MAP3K5: variants seen among roughly 807,000 people sequenced by gnomAD.
The protein encoded by MAP3K5 is ASK-1.
A neutral mutation model predicts 158.7 loss-of-function variants in MAP3K5; 56 were observed. The observed-to-expected ratio is 0.35, with a 90% CI of 0.28 to 0.44. The LOEUF is 0.44. MAP3K5 is among the 20% of genes least tolerant of loss of function. The probability of loss-of-function intolerance (pLI) is 1.00; values close to 1 mark genes in which losing one functional copy is unlikely to be tolerated. For synonymous variants in MAP3K5, 579 were observed against 601.7 expected, an observed-to-expected ratio of 0.96 and a Z score of 0.55; for missense variants, 1,294 against 1,674.8, an observed-to-expected ratio of 0.77 and a Z score of 3.97.
At chr6:136,671,592 A>C (rs989496783) in intron 7 of MAP3K5, among the ~76,000 whole-genome samples, 1 of 152,176 alleles carries the variant, frequency 6.6e-6, no homozygotes, top group Admixed American at 6.5e-5. Flanking sequence ...GAAATTTGCC[A>C]ATATCAAAAC....
intron 7 of MAP3K5, among the ~76,000 whole-genome samples, chr6:136,690,487 T>C (rs527438821): frequency 6.6e-6 from 1 of 152,288 alleles, no homozygotes; most frequent in East Asian, 1.9e-4. Flanking sequence ...AGGACTCACA[T>C]TTCTCTAACA....
At chr6:136,657,973 T>C (rs1778821340) in intron 9 of MAP3K5, among the ~76,000 whole-genome samples, 1 of 152,212 alleles carries the variant, frequency 6.6e-6, no homozygotes, top group Admixed American at 6.5e-5. Context: ...AATTAAACTA[T>C]ATTGATTTAA....
At chr6:136,668,653 T>C (rs184400869) in intron 8 of MAP3K5, among the ~76,000 whole-genome samples, 77 of 152,298 alleles carry the variant, frequency 5.1e-4, no homozygotes, top group African/African-American at 1.7e-3. Context: ...TTGAAATTTG[T>C]TCACTAAGAT....
In MAP3K5 at chr6:136,778,302, TTTTA is replaced by T. The variant is rs200382153; in HGVS notation, c.448+13404_448+13407del. On this transcript the variant is annotated intron_variant, in intron 1 of 29. Transcript: ENST00000359015. ...TGCATATTATACTATTGTGAAAGATTTTTATTTTTGATGCATTTTCACATCTTTT... is the reference window on the plus strand; with the variant it reads ...TGCATATTATACTATTGTGAAAGATTTTTTTGATGCATTTTCACATCTTTT... Among the ~76,000 whole-genome samples, 999 of 152,264 alleles carry T rather than the reference TTTTA, an allele frequency of 6.6e-3. 7 individuals are homozygous for T. The highest frequency in any genetic ancestry group is 0.023 in the African/African-American group (955 of 41,554).
intron 7 of MAP3K5, among the ~76,000 whole-genome samples, chr6:136,671,146 T>C (rs1021857774): frequency 3.9e-5 from 6 of 152,170 alleles, no homozygotes; most frequent in Admixed American, 2.0e-4. Flanking sequence ...AAATACATTA[T>C]GGCATTTTCC....
intron 1 of MAP3K5, among the ~76,000 whole-genome samples, chr6:136,749,528 C>A (rs1403759339): frequency 6.6e-6 from 1 of 152,006 alleles, no homozygotes; most frequent in Non-Finnish European, 1.5e-5. Flanking sequence ...GGCCAGATAA[C>A]CTCCTTCAAA....
At chr6:136,668,139 T>A (rs1583382845) in intron 8 of MAP3K5, among the ~76,000 whole-genome samples, 1 of 151,522 alleles carries the variant, frequency 6.6e-6, no homozygotes, top group Non-Finnish European at 1.5e-5. Flanking sequence ...TACCAGTACT[T>A]TGGGAGGCTG....
chr6:136,645,396 G>A (rs766557476), intron 11 of MAP3K5, among the ~76,000 whole-genome samples: 2 of 152,132 alleles, frequency 1.3e-5, no homozygotes, highest in Non-Finnish European at 2.9e-5. Context: ...TTCTGTGAGT[G>A]GCCACTGGCT....
intron 26 of MAP3K5, among the ~76,000 whole-genome samples, chr6:136,566,446 G>C (rs1487714934): frequency 1.3e-5 from 2 of 152,224 alleles, no homozygotes; most frequent in Non-Finnish European, 2.9e-5. Context: ...GGGCAACAGA[G>C]AGTAACCTAG....
chr6:136,703,986 T>C (rs181487066), intron 3 of MAP3K5, among the ~76,000 whole-genome samples: 10 of 152,326 alleles, frequency 6.6e-5, no homozygotes, highest in East Asian at 3.9e-4. Flanking sequence ...TGTACAACCA[T>C]TGGCCACAAC....
intron 2 of MAP3K5, among the ~76,000 whole-genome samples, chr6:136,720,140 G>C (rs1259690342): frequency 6.6e-6 from 1 of 152,140 alleles, no homozygotes; most frequent in Non-Finnish European, 1.5e-5. Flanking sequence ...ACAAAGCATG[G>C]AGGCTTGACC....
intron 3 of MAP3K5, among the ~76,000 whole-genome samples, chr6:136,701,997 G>C (rs561284916): frequency 2.0e-5 from 3 of 152,332 alleles, no homozygotes; most frequent in Admixed American, 1.3e-4. Flanking sequence ...GTGTTAGGCA[G>C]AGGAGAGGTA....
intron 21 of MAP3K5, among the ~76,000 whole-genome samples, chr6:136,596,023 A>G (rs1775613793): frequency 6.6e-6 from 1 of 152,128 alleles, no homozygotes; most frequent in Non-Finnish European, 1.5e-5. Context: ...AAGCAATTGG[A>G]TATGAGTCTG....
chr6:136,740,406 C>T (rs911144419), intron 1 of MAP3K5, among the ~76,000 whole-genome samples: 4 of 152,150 alleles, frequency 2.6e-5, no homozygotes, highest in South Asian at 2.1e-4. Flanking sequence ...TGATTTCTTA[C>T]TGAAAATATT....
chr6:136,652,718 CTTTA>C (rs1247187010), intron 10 of MAP3K5, among the ~76,000 whole-genome samples: 1 of 152,134 alleles, frequency 6.6e-6, no homozygotes, highest in Non-Finnish European at 1.5e-5. Context: ...TAAATTATGT[CTTTA>C]TTGTCATCTC....
intron 18 of MAP3K5, 76 bp from the exon 19 acceptor site, chr6:136,605,442 A>C: frequency 8.0e-7 from 1 of 1,252,158 alleles, no homozygotes; most frequent in Non-Finnish European, 1.1e-6. Flanking sequence ...TTTCAACAGA[A>C]TTTTTCAACA....
Position 136,642,668 on chromosome 6 carries a change from A to C in MAP3K5, c.1789-99T>G, listed in dbSNP as rs1583327957. The C allele has an allele frequency of 3.9e-6, 3 of 779,030 alleles. No individual in the cohort carries two copies. The East Asian group carries it at 7.5e-5, about 20-fold the overall frequency. 48.3% of individuals were successfully genotyped at this position (779,030 alleles called of 1,614,324 possible). On this transcript the variant is annotated intron_variant, in intron 11 of 29. Transcript: ENST00000359015. ...TATTTTTAAAGTGATATACACAGCC[A>C]TTTTTCCTGGTACACTATTTTTCAT... is the stretch of plus-strand genomic sequence containing the variant.
At chr6:136,738,232 G>C (rs1215805464) in intron 1 of MAP3K5, among the ~76,000 whole-genome samples, 1 of 152,060 alleles carries the variant, frequency 6.6e-6, no homozygotes, top group Admixed American at 6.5e-5. Context: ...TACCATGCCC[G>C]ACTAAATGCA....
In MAP3K5 at chr6:136,738,682, T is replaced by C. The variant is rs117083627; in HGVS notation, c.449-18093A>G. ...CTCCTGAATTTGTAGCATTCGCTTCTATATGTATATTAGCCATCAGAAACA... is the reference window on the plus strand; with the variant it reads ...CTCCTGAATTTGTAGCATTCGCTTCCATATGTATATTAGCCATCAGAAACA... On this transcript the variant is annotated intron_variant, in intron 1 of 29. Transcript: ENST00000359015. 1.8e-3 allele frequency among the ~76,000 whole-genome samples: 276 copies of C among 152,302 alleles called. 1 individual carries two copies. The highest frequency in any genetic ancestry group is 3.4e-3 in the Non-Finnish European group (229 of 68,024).
Sources: allele counts gnomAD v4.1 joint callset (sites outside exome capture counted in the v4.1 genomes callset), GRCh38; gene constraint gnomAD v4.1.1; transcripts MANE v1.5; gene names NCBI Gene and HGNC (gene_info 2026-07-23, HGNC 2026-07-21).